The following ZFPM2 variants were observed in gnomAD, a reference collection of about 807,000 sequenced individuals.
ZFPM2 encodes zinc finger protein ZFPM2.
Under a neutral mutation model 98.6 loss-of-function variants are expected in ZFPM2, and 20 were observed. The observed-to-expected ratio is 0.20, with a 90% CI of 0.14 to 0.29. ZFPM2 has a LOEUF of 0.29. Ranked by LOEUF, ZFPM2 falls within the 10% of genes least tolerant of loss-of-function variation. The probability of loss-of-function intolerance (pLI) is 1.00; values close to 1 mark genes in which losing one functional copy is unlikely to be tolerated. For synonymous variants in ZFPM2, 518 were observed against 502.7 expected, an observed-to-expected ratio of 1.03 and a Z score of -0.41; for missense variants, 1,310 against 1,388.6, an observed-to-expected ratio of 0.94 and a Z score of 0.90.
rs111903540 is a variant in ZFPM2, at chr8:105,658,307, G to C, written c.532+23950G>C. Among the ~76,000 whole-genome samples the C allele has an allele frequency of 6.3e-5, 4 of 63,162 alleles. 1 individual carries two copies. Among genetic ancestry groups the C allele is most frequent in the African/African-American group, 2.9e-4 (4 of 14,014 alleles). 41.4% of individuals were successfully genotyped at this position (63,162 alleles called of 152,430 possible). A position where few individuals can be genotyped will look rare whatever the true frequency, so the allele number is the denominator to read the frequency against. On this transcript the variant is annotated intron_variant, in intron 5 of 7. Coordinates refer to ENST00000407775, the MANE Select transcript of ZFPM2 (RefSeq NM_012082.4). The stretch of plus-strand genomic sequence containing the variant: ...TCAGTCTTTAGAAATCAAAGCAGAC[G>C]GCCGGGCGCGGTGGCTCACGCCTGT...
At chr8:105,388,317 GAGAAA>G (rs1811042192) in intron 1 of ZFPM2, among the ~76,000 whole-genome samples, 2 of 151,926 alleles carry the variant, frequency 1.3e-5, no homozygotes, top group South Asian at 4.2e-4. Flanking sequence ...AAGAAATGGA[GAGAAA>G]AGGGAAAAGG....
chr8:105,522,754 A>T (rs1399648400), intron 3 of ZFPM2, among the ~76,000 whole-genome samples: 5 of 151,950 alleles, frequency 3.3e-5, no homozygotes, highest in Non-Finnish European at 7.4e-5. Context: ...ATCTTTCAAA[A>T]AAAAAAAGAA....
chr8:105,741,873 C>T (rs996525492), intron 5 of ZFPM2, among the ~76,000 whole-genome samples: 5 of 151,840 alleles, frequency 3.3e-5, no homozygotes, highest in Admixed American at 1.3e-4. Flanking sequence ...TGCCAGACTA[C>T]TAAAATGAAG....
At chr8:105,466,799 G>GT (rs1044598500) in intron 3 of ZFPM2, among the ~76,000 whole-genome samples, 4 of 151,668 alleles carry the variant, frequency 2.6e-5, no homozygotes, top group Admixed American at 1.3e-4. Context: ...TTTTGAGGAA[G>GT]TTTTTTGTTC....
intron 5 of ZFPM2, among the ~76,000 whole-genome samples, chr8:105,748,270 A>T (rs1247570197): frequency 1.3e-5 from 2 of 152,046 alleles, no homozygotes; most frequent in Non-Finnish European, 2.9e-5. Context: ...ATTGTAGAAT[A>T]GGCAAAAAAT....
chr8:105,373,000 A>G (rs746743475), intron 1 of ZFPM2, among the ~76,000 whole-genome samples: 2 of 152,158 alleles, frequency 1.3e-5, no homozygotes, highest in Non-Finnish European at 2.9e-5. Context: ...CTCCCAGTTC[A>G]TATGCATAAG....
At chr8:105,542,564 A>T (rs1586449434) in intron 3 of ZFPM2, among the ~76,000 whole-genome samples, 2 of 152,180 alleles carry the variant, frequency 1.3e-5, no homozygotes, top group East Asian at 3.9e-4. Flanking sequence ...ATCCACAACC[A>T]AATGTGGACT....
chr8:105,632,485 A>G (rs1404596394), intron 4 of ZFPM2, among the ~76,000 whole-genome samples: 1 of 152,134 alleles, frequency 6.6e-6, no homozygotes. Flanking sequence ...ATCCTGATCT[A>G]TGGATTTATC....
At chr8:105,535,665 G>A (rs774433624) in intron 3 of ZFPM2, among the ~76,000 whole-genome samples, 3 of 152,084 alleles carry the variant, frequency 2.0e-5, no homozygotes, top group African/African-American at 2.4e-5. Context: ...GAGGTTCTTG[G>A]AAAATTATAG....
At chr8:105,430,567 A>G (rs1811999970) in intron 2 of ZFPM2, among the ~76,000 whole-genome samples, 1 of 152,162 alleles carries the variant, frequency 6.6e-6, no homozygotes. Context: ...TAATTTCTAC[A>G]TTTCTGAAAC....
At chr8:105,661,273 A>G (rs1181047194) in intron 5 of ZFPM2, among the ~76,000 whole-genome samples, 1 of 152,234 alleles carries the variant, frequency 6.6e-6, no homozygotes, top group East Asian at 1.9e-4. Flanking sequence ...GAAGCAAAAT[A>G]GAAAGACTTT....
intron 3 of ZFPM2, among the ~76,000 whole-genome samples, chr8:105,446,354 A>G (rs1285251371): frequency 6.6e-6 from 1 of 152,096 alleles, no homozygotes; most frequent in Non-Finnish European, 1.5e-5. Context: ...GATGGGGAAA[A>G]TTTGTAGGGA....
intron 1 of ZFPM2, among the ~76,000 whole-genome samples, chr8:105,410,442 C>A (rs1811552812): frequency 6.6e-6 from 1 of 151,798 alleles, no homozygotes; most frequent in Non-Finnish European, 1.5e-5. Flanking sequence ...TTAACCTGTA[C>A]CTTGTCTGAT....
chr8:105,763,872 T>C (rs2131077393), intron 5 of ZFPM2, among the ~76,000 whole-genome samples: 1 of 151,930 alleles, frequency 6.6e-6, no homozygotes, highest in South Asian at 2.1e-4. Context: ...TAAAAAAAGA[T>C]GGGATCATAA....
chr8:105,564,539 A>G (rs1299916006), intron 4 of ZFPM2, among the ~76,000 whole-genome samples: 2 of 152,062 alleles, frequency 1.3e-5, no homozygotes, highest in African/African-American at 4.8e-5. Flanking sequence ...TGTCTGAAAA[A>G]TGGAAATAGA....
At chr8:105,754,460 T>G (rs1315898959) in intron 5 of ZFPM2, among the ~76,000 whole-genome samples, 1 of 152,050 alleles carries the variant, frequency 6.6e-6, no homozygotes. Flanking sequence ...GCTTCGAAGC[T>G]CTGTCATACC....
chr8:105,591,816 C>CA (rs1815850786), intron 4 of ZFPM2, among the ~76,000 whole-genome samples: 1 of 152,160 alleles, frequency 6.6e-6, no homozygotes, highest in Non-Finnish European at 1.5e-5. Context: ...TCCCAATCCA[C>CA]AAAATTAATA....
At chr8:105,353,086 C>G (rs1455218463) in intron 1 of ZFPM2, among the ~76,000 whole-genome samples, 1 of 152,158 alleles carries the variant, frequency 6.6e-6, no homozygotes, top group Non-Finnish European at 1.5e-5. Context: ...ATCCTACTGT[C>G]TAAGCAAAAA....
intron 5 of ZFPM2, among the ~76,000 whole-genome samples, chr8:105,646,948 C>G (rs1817060119): frequency 1.3e-5 from 2 of 152,184 alleles, no homozygotes; most frequent in South Asian, 4.1e-4. Context: ...CATCTCCTAA[C>G]AGTGGGAAAG....
Sources: allele counts gnomAD v4.1 joint callset (sites outside exome capture counted in the v4.1 genomes callset), GRCh38; gene constraint gnomAD v4.1.1; transcripts MANE v1.5; gene names NCBI Gene and HGNC (gene_info 2026-07-23, HGNC 2026-07-21).